Variants in IGSF10 observed in about 807,000 individuals in gnomAD.
The protein encoded by IGSF10 is calvaria mechanical force protein 608.
A neutral mutation model predicts 128.2 loss-of-function variants in IGSF10; 126 were observed. The observed-to-expected ratio is 0.98, with a 90% CI of 0.85 to 1.14. IGSF10 has a LOEUF of 1.14. Ranked by LOEUF, IGSF10 falls within the 50% of genes most tolerant of loss-of-function variation. The probability of loss-of-function intolerance (pLI) is 0.00; values close to 1 mark genes in which losing one functional copy is unlikely to be tolerated. For missense variants in IGSF10, 3,295 were observed against 3,149.8 expected (o/e 1.05, Z -1.10); for synonymous variants, 1,185 against 1,146.2 (o/e 1.03, Z -0.68).
At chr3:151,472,625 G>A in the IGSF10 span, among the ~76,000 whole-genome samples, 2 of 152,054 alleles carry the variant, frequency 1.3e-5, no homozygotes, top group Non-Finnish European at 2.9e-5. Context: ...CACTTTTATT[G>A]GAAAACATAA....
the IGSF10 span, among the ~76,000 whole-genome samples, chr3:151,469,176 G>T: frequency 2.7e-4 from 41 of 152,218 alleles, no homozygotes; most frequent in African/African-American, 9.4e-4. Flanking sequence ...CTTTGCTATC[G>T]TGAATAGTGC....
rs967870997 is a variant in IGSF10 at position 151,447,768 on chromosome 3, C to T, written c.2213G>A (p.Arg738Lys). 18 of 1,614,024 alleles carry T rather than the reference C, an allele frequency of 1.1e-5. No homozygotes were observed. Among genetic ancestry groups the T allele is most frequent in the African/African-American group, 2.7e-5 (2 of 74,912 alleles). The change falls in exon 6 of 8, where the codon AGG (arginine) becomes AAG (lysine). Residue 738 changes from arginine to lysine, a missense_variant. By Grantham distance (26) the Arg-to-Lys change is conservative. Coordinates refer to ENST00000282466, the MANE Select transcript of IGSF10 (RefSeq NM_178822.5). ...RRGDSTHRRF[R>K]ENRRHFPPSA... is the part of the protein sequence containing the mutation. ...GGGAGGGAAATGCCTCCTATTCTCC[C>T]TAAAACGTCGATGTGTTGAATCTCC...
At chr3:151,434,276 C>A (rs911052792), downstream of IGSF10, 1 of 152,202 alleles carries the variant, frequency 6.6e-6, no homozygotes, top group East Asian at 1.9e-4. Context: ...TTTTGCAAAT[C>A]ATTATCTATA....
the IGSF10 span, among the ~76,000 whole-genome samples, chr3:151,511,636 G>T: frequency 6.6e-5 from 10 of 152,124 alleles, no homozygotes; most frequent in Admixed American, 2.6e-4. Flanking sequence ...AAATGTAAAT[G>T]GGCTAAATGC....
chr3:151,588,731 A>C, the IGSF10 span, among the ~76,000 whole-genome samples: 1 of 152,114 alleles, frequency 6.6e-6, no homozygotes, highest in Non-Finnish European at 1.5e-5. Flanking sequence ...TCTCTGCCCT[A>C]ATGGGGCTTA....
chr3:151,556,407 T>C, the IGSF10 span, among the ~76,000 whole-genome samples: 1 of 152,180 alleles, frequency 6.6e-6, no homozygotes, highest in African/African-American at 2.4e-5. Flanking sequence ...CATGGGAGTT[T>C]TGATGAAACA....
In IGSF10 at chr3:151,447,412, T is replaced by G; in HGVS notation, c.2569A>C (p.Thr857Pro). ...NSQILPPEEPTDFKLSTAIKT... is the reference protein window; with the variant it reads ...NSQILPPEEPPDFKLSTAIKT... ...ATAGCAGTAGACAGTTTGAAATCTG[T>G]GGGTTCTTCAGGTGGTAGTATTTGT... The change falls in exon 6 of 8, where the codon ACA becomes CCA. Residue 857 changes from threonine to proline, a missense_variant. Transcript: ENST00000282466. 1 of 1,614,110 alleles carries G rather than the reference T, an allele frequency of 6.2e-7. No individual in the cohort carries two copies. Among genetic ancestry groups the G allele is most frequent in the Non-Finnish European group, 8.5e-7 (1 of 1,179,952 alleles).
chr3:151,575,070 G>A, the IGSF10 span, among the ~76,000 whole-genome samples: 1 of 152,182 alleles, frequency 6.6e-6, no homozygotes, highest in Non-Finnish European at 1.5e-5. Flanking sequence ...AGCAGATATT[G>A]CAGAAAAGCA....
chr3:151,433,794 G>A (rs1210952249), downstream of IGSF10: 1 of 152,598 alleles, frequency 6.6e-6, no homozygotes, highest in African/African-American at 2.4e-5. Flanking sequence ...TGTTTATTTT[G>A]TATGGTAAGT....
At chr3:151,546,778 C>CT in the IGSF10 span, among the ~76,000 whole-genome samples, 122 of 151,928 alleles carry the variant, frequency 8.0e-4, no homozygotes, top group African/African-American at 2.8e-3. Flanking sequence ...CTCCATATTT[C>CT]TTTTTTTTGA....
At chr3:151,489,649 G>A in the IGSF10 span, among the ~76,000 whole-genome samples, 248 of 151,398 alleles carry the variant, frequency 1.6e-3, no homozygotes, top group African/African-American at 5.7e-3. Context: ...CCATAAAAAA[G>A]GGTGAGTTCA....
chr3:151,515,902 T>C, the IGSF10 span, among the ~76,000 whole-genome samples: 1 of 151,904 alleles, frequency 6.6e-6, no homozygotes, highest in Admixed American at 6.6e-5. Context: ...TTTCATTCAA[T>C]TGCCATTTTC....
the IGSF10 span, among the ~76,000 whole-genome samples, chr3:151,529,337 G>A: frequency 6.6e-6 from 1 of 152,214 alleles, no homozygotes; most frequent in African/African-American, 2.4e-5. Flanking sequence ...GGATCTCCCA[G>A]CACAGCGTTT....
the IGSF10 span, among the ~76,000 whole-genome samples, chr3:151,613,481 A>G: frequency 3.8e-4 from 58 of 152,326 alleles, no homozygotes; most frequent in African/African-American, 1.4e-3. Context: ...ACAGAGATAT[A>G]GACCAATGGA....
the IGSF10 span, among the ~76,000 whole-genome samples, chr3:151,482,650 C>A: frequency 6.6e-6 from 1 of 152,142 alleles, no homozygotes; most frequent in Non-Finnish European, 1.5e-5. Flanking sequence ...GTGGGGAAAT[C>A]CCAAGTCCTG....
At chr3:151,464,437 TTAC>T (rs1357073039), upstream of IGSF10, among the ~76,000 whole-genome samples, 4 of 152,202 alleles carry the variant, frequency 2.6e-5, no homozygotes, top group African/African-American at 9.7e-5. Flanking sequence ...TTTCTAGTAA[TTAC>T]TACTTCTTAC....
chr3:151,441,927 G>A (rs1159987807), intron 7 of IGSF10, among the ~76,000 whole-genome samples: 2 of 152,146 alleles, frequency 1.3e-5, no homozygotes, highest in Admixed American at 1.3e-4. Flanking sequence ...CGGATGTGGT[G>A]GCGGGTGCCT....
At position 151,438,163 on chromosome 3, in the gene IGSF10, T is replaced by G. The variant is rs747583871; in HGVS notation, c.6398A>C (p.His2133Pro). 1.9e-5 allele frequency: 30 copies of G among 1,614,088 alleles called. No individual in the cohort carries two copies. The highest frequency in any genetic ancestry group is 6.7e-5 in the Admixed American group (4 of 59,994). The change falls in exon 8 of 8, where the codon CAC (histidine) becomes CCC (proline). Residue 2133 changes from histidine to proline, a missense_variant. Physicochemically the swap from His to Pro is moderately conservative, Grantham distance 77 (BLOSUM62 -2). Coordinates refer to ENST00000282466, the MANE Select transcript of IGSF10 (RefSeq NM_178822.5). ...GGGAGCAGCTGTTATAACTGTTAAGTGGACCTTCATTTCATCTTTCCCTAG... is the reference window on the plus strand; with the variant it reads ...GGGAGCAGCTGTTATAACTGTTAAGGGGACCTTCATTTCATCTTTCCCTAG... Reference protein sequence around the residue: ...NTLGKDEMKVHLTVITAAPRI... With the variant: ...NTLGKDEMKVPLTVITAAPRI...
the IGSF10 span, among the ~76,000 whole-genome samples, chr3:151,599,715 T>C: frequency 6.6e-6 from 1 of 152,252 alleles, no homozygotes; most frequent in African/African-American, 2.4e-5. Context: ...TATTATTGCA[T>C]TTTAAATTTT....
Sources: gnomAD v4.1 joint callset for allele counts (sites outside exome capture counted in the v4.1 genomes callset) on GRCh38, gnomAD v4.1.1 for gene constraint, MANE v1.5 for transcripts, NCBI Gene and HGNC (gene_info 2026-07-23, HGNC 2026-07-21) for gene names.